XPR1: variants seen among roughly 807,000 people sequenced by gnomAD.
XPR1 encodes solute carrier family 53 member 1.
In XPR1, 28 loss-of-function variants were observed where a neutral mutation model predicts 87.5. That is an observed-to-expected ratio of 0.32 (90% CI 0.24 to 0.44). The LOEUF (loss-of-function observed/expected upper bound fraction) is 0.44, where lower values mean the gene tolerates loss of function less well. XPR1 is among the 20% of genes least tolerant of loss of function. The pLI, the probability that XPR1 is intolerant of heterozygous loss-of-function variation, is 1.00. For synonymous variants in XPR1, 300 were observed against 306.1 expected (o/e 0.98, Z 0.21); for missense variants, 559 against 862.3 (o/e 0.65, Z 4.41).
intron 13 of XPR1, among the ~76,000 whole-genome samples, chr1:180,877,273 A>G (rs757209499): frequency 1.6e-4 from 24 of 152,248 alleles, no homozygotes; most frequent in Non-Finnish European, 2.9e-4. Flanking sequence ...GTCAGATATC[A>G]AAATTGATTA....
chr1:180,822,182 C>G (rs1398497010), intron 7 of XPR1, among the ~76,000 whole-genome samples: 1 of 152,192 alleles, frequency 6.6e-6, no homozygotes, highest in Non-Finnish European at 1.5e-5. Flanking sequence ...AAGCTTAAGT[C>G]TTGACAAAGT....
rs148257280 is a variant in XPR1 at position 180,812,231 on chromosome 1, C to A, written c.763+743C>A. Among the ~76,000 whole-genome samples the A allele has an allele frequency of 2.9e-3, 441 of 152,270 alleles. 3 individuals are homozygous for A. Among genetic ancestry groups the A allele is most frequent in the African/African-American group, 9.6e-3 (399 of 41,552 alleles). On this transcript the variant is annotated intron_variant, in intron 7 of 14. Coordinates refer to ENST00000367590, the MANE Select transcript of XPR1 (RefSeq NM_004736.4). ...TTGCTAGCTATACTTTTCTTTGTGACATCAAAATGTTAGGGTATAGTGCTG... is the reference window on the plus strand; with the variant it reads ...TTGCTAGCTATACTTTTCTTTGTGAAATCAAAATGTTAGGGTATAGTGCTG...
intron 11 of XPR1, among the ~76,000 whole-genome samples, chr1:180,851,874 A>G (rs1429268417): frequency 1.3e-5 from 2 of 152,108 alleles, no homozygotes; most frequent in Non-Finnish European, 2.9e-5. Context: ...ATAAGGATCT[A>G]TATGGATAAT....
intron 2 of XPR1, among the ~76,000 whole-genome samples, chr1:180,771,338 A>G (rs1408732619): frequency 1.3e-5 from 2 of 151,944 alleles, no homozygotes; most frequent in Non-Finnish European, 2.9e-5. Flanking sequence ...CTGATTTTGT[A>G]TGAAATAATT....
At chr1:180,679,215 A>C (rs1049092447) in intron 1 of XPR1, among the ~76,000 whole-genome samples, 1 of 149,186 alleles carries the variant, frequency 6.7e-6, no homozygotes, top group Admixed American at 6.7e-5. Context: ...AAAACAAACA[A>C]ACAAAAAAAA....
At chr1:180,656,616 A>T (rs1557941815) in intron 1 of XPR1, among the ~76,000 whole-genome samples, 5 of 106,594 alleles carry the variant, frequency 4.7e-5, no homozygotes, top group African/African-American at 1.9e-4. Context: ...TATGTATAAT[A>T]TATTTTATAT....
chr1:180,713,868 T>A (rs1657890559), intron 2 of XPR1, among the ~76,000 whole-genome samples: 1 of 152,170 alleles, frequency 6.6e-6, no homozygotes, highest in Non-Finnish European at 1.5e-5. Context: ...ATCAGGGTAA[T>A]GTTTACCTCA....
intron 2 of XPR1, among the ~76,000 whole-genome samples, chr1:180,719,365 A>G (rs562006502): frequency 2.6e-5 from 4 of 152,376 alleles, no homozygotes; most frequent in East Asian, 3.9e-4. Flanking sequence ...TTTATTTCTT[A>G]GGATTAAAAT....
chr1:180,672,991 G>T (rs1195569292), intron 1 of XPR1, among the ~76,000 whole-genome samples: 1 of 152,090 alleles, frequency 6.6e-6, no homozygotes, highest in Non-Finnish European at 1.5e-5. Context: ...CCAGTAGATT[G>T]TAAAGTGCTA....
At chr1:180,856,474 T>C (rs10914117) in intron 11 of XPR1, among the ~76,000 whole-genome samples, 52,810 of 152,026 alleles carry the variant, frequency 0.35, 9,581 homozygotes, top group Non-Finnish European at 0.39. Context: ...AGTCTGTATC[T>C]GAAGCTTTTT....
chr1:180,682,841 T>C (rs1006488534), intron 2 of XPR1, among the ~76,000 whole-genome samples: 1 of 152,020 alleles, frequency 6.6e-6, no homozygotes, highest in African/African-American at 2.4e-5. Context: ...TGCGTGTGTG[T>C]GTGTGTGTGT....
At chr1:180,704,372 T>C (rs1483188993) in intron 2 of XPR1, among the ~76,000 whole-genome samples, 1 of 149,822 alleles carries the variant, frequency 6.7e-6, no homozygotes, top group Non-Finnish European at 1.5e-5. Flanking sequence ...ATCCTAATGC[T>C]CCTGTGTTTA....
In XPR1 at chr1:180,759,504, A is replaced by G. The variant is rs530606506; in HGVS notation, c.122-28249A>G. On this transcript the variant is annotated intron_variant, in intron 2 of 14. Transcript: ENST00000367590. ...ACAAACACCTCTACGCACATAAACT[A>G]GAAAATCTAGAAGAAATGGATAAAT... 4.6e-3 allele frequency among the ~76,000 whole-genome samples: 696 copies of G among 152,340 alleles called. 12 individuals carry two copies. The highest frequency in any genetic ancestry group is 0.016 in the African/African-American group (672 of 41,582).
chr1:180,737,807 G>A (rs780057049), intron 2 of XPR1, among the ~76,000 whole-genome samples: 1 of 152,050 alleles, frequency 6.6e-6, no homozygotes, highest in Non-Finnish European at 1.5e-5. Flanking sequence ...TTGTTGCTGA[G>A]TAGCATTCCG....
Position 180,803,266 on chromosome 1 carries a change from A to G in XPR1, c.224-122A>G, listed in dbSNP as rs1649861238. ...TATTTTTTCCTATAGAGTTCTAAATATTACATGTAACGGTTTTCTTCTAGA... is the reference window on the plus strand; with the variant it reads ...TATTTTTTCCTATAGAGTTCTAAATGTTACATGTAACGGTTTTCTTCTAGA... On this transcript the variant is annotated intron_variant, in intron 3 of 14. Transcript: ENST00000367590. The G allele has an allele frequency of 4.5e-6, 4 of 887,548 alleles. No homozygotes were observed. In the Admixed American group the frequency reaches 8.7e-5, roughly 19 times the overall value. 55.0% of individuals were successfully genotyped at this position (887,548 alleles called of 1,614,324 possible). A position where few individuals can be genotyped will look rare whatever the true frequency, so the allele number is the denominator to read the frequency against.
At chr1:180,799,645 C>A (rs1427068404) in intron 3 of XPR1, among the ~76,000 whole-genome samples, 1 of 152,048 alleles carries the variant, frequency 6.6e-6, no homozygotes, top group Non-Finnish European at 1.5e-5. Context: ...TGCTTTTATT[C>A]CAGGGAGGAC....
chr1:180,692,198 A>C (rs1657016739), intron 2 of XPR1, among the ~76,000 whole-genome samples: 1 of 152,080 alleles, frequency 6.6e-6, no homozygotes, highest in Non-Finnish European at 1.5e-5. Flanking sequence ...TTGTTTTGTC[A>C]GTAAGGTACC....
chr1:180,766,839 A>G (rs1648304362), intron 2 of XPR1, among the ~76,000 whole-genome samples: 1 of 152,166 alleles, frequency 6.6e-6, no homozygotes, highest in Admixed American at 6.5e-5. Flanking sequence ...AGTGATCTAT[A>G]AATTTATTAT....
intron 2 of XPR1, among the ~76,000 whole-genome samples, chr1:180,759,795 T>G (rs148223995): frequency 3.9e-5 from 6 of 152,268 alleles, no homozygotes; most frequent in East Asian, 1.9e-4. Context: ...TACCAAAGCC[T>G]GGCAGAGACA....
Sources: gnomAD v4.1 joint callset for allele counts (sites outside exome capture counted in the v4.1 genomes callset) on GRCh38, gnomAD v4.1.1 for gene constraint, MANE v1.5 for transcripts, NCBI Gene and HGNC (gene_info 2026-07-23, HGNC 2026-07-21) for gene names.